The following FRMD4A variants were observed in gnomAD, a reference collection of about 807,000 sequenced individuals.
FRMD4A encodes the protein FERM domain containing 4A, also known as FERM domain-containing protein 4A.
In FRMD4A, 29 loss-of-function variants were observed where a neutral mutation model predicts 129.1. The observed-to-expected ratio is 0.22, with a 90% confidence interval of 0.17 to 0.31. FRMD4A has a LOEUF of 0.31. FRMD4A is among the 10% of genes least tolerant of loss of function. The pLI is 1.00. For synonymous variants in FRMD4A, 634 were observed against 571.6 expected, an observed-to-expected ratio of 1.11 and a Z score of -1.56; for missense variants, 1,272 against 1,375.8, an observed-to-expected ratio of 0.92 and a Z score of 1.19.
chr10:13,998,379 T>C (rs535400076), intron 2 of FRMD4A, among the ~76,000 whole-genome samples: 2 of 152,328 alleles, frequency 1.3e-5, no homozygotes, highest in East Asian at 3.9e-4. Context: ...AATCACATAA[T>C]TGGCTCTGGA....
intron 12 of FRMD4A, among the ~76,000 whole-genome samples, chr10:13,731,765 G>T (rs1009869441): frequency 9.9e-5 from 15 of 152,012 alleles, no homozygotes; most frequent in African/African-American, 3.6e-4. Context: ...TGGGGGAGGT[G>T]CATGCATTGT....
intron 2 of FRMD4A, among the ~76,000 whole-genome samples, chr10:14,090,574 C>T (rs931866863): frequency 5.3e-5 from 8 of 152,170 alleles, no homozygotes; most frequent in African/African-American, 1.9e-4. Context: ...TCCCCCCAGC[C>T]GCTCCATGCT....
intron 2 of FRMD4A, among the ~76,000 whole-genome samples, chr10:14,239,647 A>C (rs553926378): frequency 0.011 from 1,376 of 120,822 alleles, 27 homozygotes; most frequent in African/African-American, 0.037. Context: ...AAACAAACAA[A>C]CAAACAAAAA....
chr10:14,115,458 T>C (rs1326092310), intron 2 of FRMD4A, among the ~76,000 whole-genome samples: 5 of 152,220 alleles, frequency 3.3e-5, no homozygotes, highest in African/African-American at 1.2e-4. Context: ...GATGAGGATA[T>C]TGCTTATATA....
chr10:13,858,093 C>G (rs987000292), intron 3 of FRMD4A, among the ~76,000 whole-genome samples: 1 of 152,090 alleles, frequency 6.6e-6, no homozygotes. Context: ...AGAAAGAGGA[C>G]CGAGTACAGA....
At chr10:14,001,448 T>C (rs935139046) in intron 2 of FRMD4A, among the ~76,000 whole-genome samples, 4 of 152,320 alleles carry the variant, frequency 2.6e-5, no homozygotes, top group Non-Finnish European at 5.9e-5. Flanking sequence ...ACCATTTGCA[T>C]AGATATTTGC....
chr10:13,799,324 T>A (rs1235626098), intron 4 of FRMD4A, among the ~76,000 whole-genome samples: 5 of 151,996 alleles, frequency 3.3e-5, no homozygotes, highest in Admixed American at 2.6e-4. Context: ...TGCCCAGCTA[T>A]TTTTTTGTAT....
intron 2 of FRMD4A, among the ~76,000 whole-genome samples, chr10:14,064,587 A>T (rs1834966874): frequency 6.6e-6 from 1 of 151,772 alleles, no homozygotes; most frequent in Non-Finnish European, 1.5e-5. Context: ...TTTTTTATTT[A>T]TTTATTTTGA....
At chr10:13,838,773 G>A (rs1043758677) in intron 3 of FRMD4A, among the ~76,000 whole-genome samples, 52 of 152,148 alleles carry the variant, frequency 3.4e-4, no homozygotes, top group Admixed American at 2.6e-3. Flanking sequence ...GATTACAGGC[G>A]TGAGCCACCG....
chr10:13,832,625 C>T (rs2093808440), intron 3 of FRMD4A, among the ~76,000 whole-genome samples: 2 of 152,184 alleles, frequency 1.3e-5, no homozygotes, highest in South Asian at 2.1e-4. Flanking sequence ...ACAATTATAG[C>T]TCACAGCAAC....
At chr10:14,010,383 T>TA (rs1412194080) in intron 2 of FRMD4A, among the ~76,000 whole-genome samples, 11 of 152,186 alleles carry the variant, frequency 7.2e-5, no homozygotes, top group African/African-American at 2.4e-4. Context: ...AAGAGAATGT[T>TA]AATGGTAACA....
rs537644614 is a variant in FRMD4A at position 14,161,366 on chromosome 10, C to A, written c.45+168692G>T. ...TCAGTGTATCAAAGAGATACCTGCA[C>A]CCCCATGTTTTTTGCAGGATGATTT... On this transcript the variant is annotated intron_variant, in intron 2 of 24. Transcript: ENST00000357447. Among the ~76,000 whole-genome samples, 154 of 152,318 alleles carry A rather than the reference C, an allele frequency of 1.0e-3. 1 individual carries two copies. The highest frequency in any genetic ancestry group is 6.4e-3 in the South Asian group (31 of 4,828).
intron 2 of FRMD4A, among the ~76,000 whole-genome samples, chr10:13,902,456 G>GGAGAGGGAGA (rs1554963860): frequency 7.8e-6 from 1 of 127,700 alleles, no homozygotes; most frequent in South Asian, 2.9e-4. Flanking sequence ...GCAAAATACT[G>GGAGAGGGAGA]GAGAGAGAGA....
chr10:14,040,133 T>C (rs1439772322), intron 2 of FRMD4A, among the ~76,000 whole-genome samples: 1 of 152,180 alleles, frequency 6.6e-6, no homozygotes, highest in Non-Finnish European at 1.5e-5. Flanking sequence ...GTTAAGTCAC[T>C]GGCTCAGAGT....
At chr10:13,896,865 C>T (rs895989346) in intron 2 of FRMD4A, among the ~76,000 whole-genome samples, 3 of 152,084 alleles carry the variant, frequency 2.0e-5, no homozygotes, top group East Asian at 1.9e-4. Flanking sequence ...GTCTGTTCCC[C>T]GAAGAGCAGC....
intron 2 of FRMD4A, among the ~76,000 whole-genome samples, chr10:14,019,408 A>G (rs1433209653): frequency 6.6e-6 from 1 of 152,226 alleles, no homozygotes; most frequent in Non-Finnish European, 1.5e-5. Context: ...ACATGCCATC[A>G]TAATGTATAA....
chr10:13,798,180 G>A (rs2093164650), intron 4 of FRMD4A, among the ~76,000 whole-genome samples: 1 of 151,972 alleles, frequency 6.6e-6, no homozygotes, highest in Admixed American at 6.6e-5. Context: ...GGAGGCGAAG[G>A]CGAGCGGATC....
chr10:13,999,357 T>C (rs2095633803), intron 2 of FRMD4A, among the ~76,000 whole-genome samples: 1 of 152,176 alleles, frequency 6.6e-6, no homozygotes, highest in African/African-American at 2.4e-5. Flanking sequence ...TAAATAAATA[T>C]CTGTGAAATT....
chr10:14,150,107 T>A (rs1396586050), intron 2 of FRMD4A, among the ~76,000 whole-genome samples: 1 of 152,104 alleles, frequency 6.6e-6, no homozygotes, highest in African/African-American at 2.4e-5. Context: ...CTCACTCTCA[T>A]GAGAACAGAA....
Sources: allele counts gnomAD v4.1 joint callset (sites outside exome capture counted in the v4.1 genomes callset), GRCh38; gene constraint gnomAD v4.1.1; transcripts MANE v1.5; gene names NCBI Gene and HGNC (gene_info 2026-07-23, HGNC 2026-07-21).